The following CD320 variants were observed in gnomAD, a reference collection of about 807,000 sequenced individuals.
CD320 encodes CD320 antigen.
CD320 carries 16 observed loss-of-function variants against 22.1 expected under a neutral mutation model. The observed-to-expected ratio is 0.73, with a 90% CI of 0.49 to 1.10. The LOEUF (loss-of-function observed/expected upper bound fraction) is 1.10. Among genes scored for constraint, CD320 ranks in the 50% least tolerant of loss-of-function variants. The pLI is 0.00. For synonymous variants in CD320, 188 were observed against 167.8 expected (o/e 1.12, Z -0.93); for missense variants, 388 against 376.9 (o/e 1.03, Z -0.24).
Position 8,303,946 on chromosome 19 carries a change from G to T in CD320, c.411C>A (p.Leu137=). ...CSRLACLAGE[L]RCTLSDDCIP... is the part of the protein sequence containing the mutation. ...TGCAGTCATCGCTCAGCGTGCAACG[G>T]AGCTCGCCTGCTAGGCAGGCCAGGC... is the stretch of plus-strand genomic sequence containing the variant. The change falls in exon 3 of 5, where the codon CTC becomes CTA. Residue 137 remains leucine (L), a synonymous_variant. Coordinates refer to ENST00000301458, the MANE Select transcript of CD320 (RefSeq NM_016579.4). 1.3e-6 allele frequency: 2 copies of T among 1,592,952 alleles called. No homozygotes were observed. The highest frequency in any genetic ancestry group is 1.7e-6 in the Non-Finnish European group (2 of 1,170,232).
At chr19:8,305,354 T>C in intron 1 of CD320, 198 bp from the exon 2 acceptor site, 1 of 586,772 alleles carries the variant, frequency 1.7e-6, no homozygotes, top group Non-Finnish European at 3.0e-6. Context: ...AGAGCCCCAC[T>C]GGGCAGGTGC....
chr19:8,308,328 A>C lies in CD320; in HGVS notation c.-38T>G. ...GCGGCGCCGGCCACGCGCTGTCCAG[A>C]CCGCTCTCTTATCCCTGCGCACGCG... On this transcript the variant is annotated 5_prime_UTR_variant, in exon 1 of 5. Coordinates refer to ENST00000301458, the MANE Select transcript of CD320 (RefSeq NM_016579.4). The C allele has an allele frequency of 1.3e-6, 2 of 1,575,728 alleles. No individual in the cohort carries two copies. Among genetic ancestry groups the C allele is most frequent in the Non-Finnish European group, 1.7e-6 (2 of 1,168,284 alleles).
chr19:8,303,148 G>GCT (rs1171543817), intron 3 of CD320, among the ~76,000 whole-genome samples, 168 bp from the exon 4 acceptor site: 1 of 148,832 alleles, frequency 6.7e-6, no homozygotes, highest in Non-Finnish European at 1.5e-5. Flanking sequence ...AGGGAGTCTG[G>GCT]CTCTGCCACC....
chr19:8,306,908 A>T (rs1970096537), intron 1 of CD320, among the ~76,000 whole-genome samples: 1 of 152,206 alleles, frequency 6.6e-6, no homozygotes, highest in African/African-American at 2.4e-5. Context: ...TGTAAGCCTG[A>T]CAGGAGTTAC....
intron 1 of CD320, chr19:8,305,848 G>A (rs1257298506): frequency 6.6e-6 from 1 of 152,342 alleles, no homozygotes; most frequent in Non-Finnish European, 1.5e-5. Flanking sequence ...AGAGACTGAG[G>A]GACGGGCCAT....
chr19:8,307,052 G>A (rs1970098604), intron 1 of CD320, among the ~76,000 whole-genome samples: 1 of 147,498 alleles, frequency 6.8e-6, no homozygotes, highest in Non-Finnish European at 1.5e-5. Flanking sequence ...AGCACTTTGG[G>A]AGGCTGAGGC....
chr19:8,302,419 G>A lies in CD320; in HGVS notation c.*44C>T, dbSNP rs771486622. The A allele has an allele frequency of 2.9e-5, 46 of 1,613,310 alleles. No individual in the cohort carries two copies. The highest frequency in any genetic ancestry group is 8.0e-5 in the African/African-American group (6 of 74,882). On this transcript the variant is annotated 3_prime_UTR_variant, in exon 5 of 5. Transcript: ENST00000301458. ...CCGCATCACTGCTCTCCTCCTGTCCGGCTACGCCCAGGGCTGAGTGACGGT... is the reference window on the plus strand; with the variant it reads ...CCGCATCACTGCTCTCCTCCTGTCCAGCTACGCCCAGGGCTGAGTGACGGT...
chr19:8,303,096 G>GTCT, intron 3 of CD320, 116 bp from the exon 4 acceptor site: 3 of 537,068 alleles, frequency 5.6e-6, no homozygotes, highest in East Asian at 3.2e-5. Flanking sequence ...GGGTGAAGCT[G>GTCT]ACTGCCCGTA....
At chr19:8,307,302 CTT>C in intron 1 of CD320, among the ~76,000 whole-genome samples, 1 of 149,718 alleles carries the variant, frequency 6.7e-6, no homozygotes, top group East Asian at 1.9e-4. Context: ...AAAACAAAAA[CTT>C]TTGTACTTGG....
intron 1 of CD320, among the ~76,000 whole-genome samples, chr19:8,306,274 CCA>C (rs777140805): frequency 3.9e-5 from 6 of 152,160 alleles, no homozygotes; most frequent in Non-Finnish European, 8.8e-5. Flanking sequence ...GCCTGTCCAC[CCA>C]CAGACTGGAC....
intron 1 of CD320, chr19:8,305,431 G>A (rs1221747576): frequency 7.4e-6 from 3 of 404,554 alleles, no homozygotes; most frequent in African/African-American, 6.2e-5. Context: ...GCAGAGGCTG[G>A]GTGCAGTGGC....
chr19:8,302,343 C>G lies in CD320; in HGVS notation c.*120G>C, dbSNP rs759019712. 2 of 1,272,198 alleles carry G rather than the reference C, an allele frequency of 1.6e-6. No individual in the cohort carries two copies. The allele number at this position is 1,272,198 out of a possible 1,614,324, so 78.8% of individuals were successfully genotyped here. On this transcript the variant is annotated 3_prime_UTR_variant, in exon 5 of 5. Coordinates refer to ENST00000301458, the MANE Select transcript of CD320 (RefSeq NM_016579.4). ...GCAGGAGCTCGGGTTCGAGGTTCCA[C>G]GTGGCCAGAAGAGCTCAGGTCTCTG...
At chr19:8,306,828 G>A (rs184216284) in intron 1 of CD320, among the ~76,000 whole-genome samples, 7 of 152,140 alleles carry the variant, frequency 4.6e-5, no homozygotes, top group Non-Finnish European at 1.0e-4. Flanking sequence ...ACCTCCCTTC[G>A]CTGGACTGCG....
rs1176148120 is a variant in CD320, at chr19:8,304,076, C to T, written c.281G>A (p.Cys94Tyr). Residue 94 changes from cysteine to tyrosine, a missense_variant, in exon 3 of 5, where the codon TGT becomes TAT. By Grantham distance (194) the Cys-to-Tyr change is radical. Coordinates refer to ENST00000301458, the MANE Select transcript of CD320 (RefSeq NM_016579.4). ...SDEEECRIEP[C>Y]TQKGQCPPPP... ...CGGTGGGCATTGCCCTTTCTGGGTA[C>T]ATGGCTCAATCCCTGGGGCACAGGG... 7 of 1,528,736 alleles carry T rather than the reference C, an allele frequency of 4.6e-6. No homozygotes were observed. Among genetic ancestry groups the T allele is most frequent in the Non-Finnish European group, 4.4e-6 (5 of 1,125,470 alleles). The allele number at this position is 1,528,736 out of a possible 1,614,324, so 94.7% of individuals were successfully genotyped here.
At position 8,307,584 on chromosome 19, in the gene CD320, G is replaced by A. The variant is rs1039600842; in HGVS notation, c.142+565C>T. On this transcript the variant is annotated intron_variant, in intron 1 of 4. Coordinates refer to ENST00000301458, the MANE Select transcript of CD320 (RefSeq NM_016579.4). ...CCACCAATACCTCTTAGGCCAGGGC[G>A]AACACGTCCACGGGGGTATATTCAA... Among the ~76,000 whole-genome samples the A allele has an allele frequency of 5.3e-5, 8 of 152,170 alleles. No homozygotes were observed. In the South Asian group the frequency reaches 6.2e-4, roughly 12 times the overall value.
chr19:8,303,566 C>A (rs1424296005), intron 3 of CD320, among the ~76,000 whole-genome samples: 1 of 152,114 alleles, frequency 6.6e-6, no homozygotes, highest in Non-Finnish European at 1.5e-5. Context: ...GTGTGTGCCA[C>A]CATGCCCAGC....
chr19:8,303,737 C>T lies in CD320; in HGVS notation c.502+118G>A, dbSNP rs2232785. 43,832 of 725,596 alleles carry T rather than the reference C, an allele frequency of 0.06. 3,257 individuals are homozygous for T. Among genetic ancestry groups the T allele is most frequent in the African/African-American group, 0.3 (17,366 of 57,616 alleles). 44.9% of individuals were successfully genotyped at this position (725,596 alleles called of 1,614,324 possible). On this transcript the variant is annotated intron_variant, in intron 3 of 4. Coordinates refer to ENST00000301458, the MANE Select transcript of CD320 (RefSeq NM_016579.4). The stretch of plus-strand genomic sequence containing the variant: ...GCCCCTAATGATGTCTTGATTCCCC[C>T]ACAGGGATGCAGGCACGGGCAAAGG...
chr19:8,304,757 G>A, intron 2 of CD320: 1 of 458,120 alleles, frequency 2.2e-6, no homozygotes, highest in Non-Finnish European at 4.1e-6. Context: ...GAGTGCACTG[G>A]CACAATCCTA....
rs908196413 is a variant in CD320 at position 8,304,003 on chromosome 19, C to G, written c.354G>C (p.Gly118=). ...AGTTGCGCAGTTTCTTGTCAGTTCC[C>G]CCAGAGCAGTCACTGACGCCGGTGC... ...CPCTGVSDCS[G]GTDKKLRNCS... Residue 118 remains glycine, a synonymous_variant, in exon 3 of 5, where the codon GGG becomes GGC. Transcript: ENST00000301458. 6.4e-7 allele frequency: 1 copy of G among 1,570,122 alleles called. No homozygotes were observed. The highest frequency in any genetic ancestry group is 8.6e-7 in the Non-Finnish European group (1 of 1,157,678).
Sources: allele counts gnomAD v4.1 joint callset (sites outside exome capture counted in the v4.1 genomes callset), GRCh38; gene constraint gnomAD v4.1.1; transcripts MANE v1.5; gene names NCBI Gene and HGNC (gene_info 2026-07-23, HGNC 2026-07-21).